CACNA1A: variants seen among roughly 807,000 people sequenced by gnomAD.
CACNA1A encodes calcium voltage-gated channel subunit alpha1 A.
A neutral mutation model predicts 262.4 loss-of-function variants in CACNA1A; 57 were observed. The observed-to-expected ratio is 0.22, with a 90% confidence interval of 0.18 to 0.27. CACNA1A has a LOEUF of 0.27. CACNA1A is among the 10% of genes least tolerant of loss of function. The probability of loss-of-function intolerance (pLI) is 1.00; values close to 1 mark genes in which losing one functional copy is unlikely to be tolerated. For missense variants in CACNA1A, 2,526 were observed against 3,562.8 expected (o/e 0.71, Z 7.41); for synonymous variants, 1,431 against 1,419.3 (o/e 1.01, Z -0.18).
chr19:13,358,249 T>C (rs1368128403), intron 6 of CACNA1A, among the ~76,000 whole-genome samples: 2 of 151,982 alleles, frequency 1.3e-5, no homozygotes, highest in African/African-American at 4.8e-5. Flanking sequence ...AGCCACACAA[T>C]AGAATGCTAT....
At chr19:13,383,445 G>A (rs2419549) in intron 3 of CACNA1A, among the ~76,000 whole-genome samples, 42,936 of 152,002 alleles carry the variant, frequency 0.28, 6,475 homozygotes, top group Non-Finnish European at 0.34. Flanking sequence ...CCAGTTTTCC[G>A]TCACTCCTTA....
intron 19 of CACNA1A, among the ~76,000 whole-genome samples, chr19:13,296,336 A>C (rs1381877936): frequency 6.6e-6 from 1 of 152,192 alleles, no homozygotes; most frequent in African/African-American, 2.4e-5. Context: ...AATCAATATT[A>C]TGCCCTGATG....
chr19:13,394,518 T>C (rs139259765), intron 3 of CACNA1A, among the ~76,000 whole-genome samples: 1 of 152,286 alleles, frequency 6.6e-6, no homozygotes, highest in East Asian at 1.9e-4. Context: ...TGTCAGGGGA[T>C]TCTGAAGACT....
intron 1 of CACNA1A, among the ~76,000 whole-genome samples, 193 bp downstream of exon 1, chr19:13,505,739 A>C (rs1175948015): frequency 7.2e-6 from 1 of 138,516 alleles, no homozygotes; most frequent in Non-Finnish European, 1.6e-5. Flanking sequence ...CCAAGCCTCC[A>C]GGGTAGCTCA....
chr19:13,501,778 A>T (rs1982407129), intron 1 of CACNA1A, among the ~76,000 whole-genome samples: 1 of 152,210 alleles, frequency 6.6e-6, no homozygotes, highest in South Asian at 2.1e-4. Flanking sequence ...TCAAATGCAC[A>T]CCAAGTAGAA....
At chr19:13,429,038 C>A (rs1424428499) in intron 3 of CACNA1A, among the ~76,000 whole-genome samples, 1 of 152,082 alleles carries the variant, frequency 6.6e-6, no homozygotes, top group East Asian at 1.9e-4. Flanking sequence ...ACCACCTTGA[C>A]CCTCGGGCAC....
At chr19:13,328,098 C>G (rs1016991568) in intron 10 of CACNA1A, among the ~76,000 whole-genome samples, 2 of 150,754 alleles carry the variant, frequency 1.3e-5, no homozygotes, top group African/African-American at 4.9e-5. Context: ...AGAGATGGAG[C>G]CTTGTTATGT....
At chr19:13,486,431 G>A (rs900628624) in intron 1 of CACNA1A, among the ~76,000 whole-genome samples, 38 of 150,620 alleles carry the variant, frequency 2.5e-4, no homozygotes, top group Non-Finnish European at 4.6e-4. Flanking sequence ...ACACACACAC[G>A]TCAGTTAAAG....
In CACNA1A at chr19:13,283,333, G is replaced by A. The variant is rs765391315; in HGVS notation, c.3756C>T (p.Val1252=). 1.2e-6 allele frequency: 2 copies of A among 1,613,910 alleles called. No homozygotes were observed. The highest frequency in any genetic ancestry group is 3.3e-5 in the Admixed American group (2 of 60,028). ...LRYFEMCILM[V]IAMSSIALAA... ...CCAGGGCGATGCTGCTCATGGCAAT[G>A]ACCATGAGGATGCACATCTCAAAGT... The change falls in exon 22 of 47, where the codon GTC becomes GTT. Residue 1252 remains valine, a synonymous_variant. Transcript: ENST00000360228.
At chr19:13,278,362 C>T (rs960773814) in intron 22 of CACNA1A, among the ~76,000 whole-genome samples, 2 of 152,206 alleles carry the variant, frequency 1.3e-5, no homozygotes, top group African/African-American at 4.8e-5. Flanking sequence ...GCTTCCACCT[C>T]AGGGCCTTTG....
In CACNA1A at chr19:13,214,276, C is replaced by T. The variant is rs199886234; in HGVS notation, c.5897G>A (p.Arg1966Gln). 466 of 1,612,096 alleles carry T rather than the reference C, an allele frequency of 2.9e-4. No homozygotes were observed. The highest frequency in any genetic ancestry group is 1.8e-4 in the Admixed American group (11 of 60,000). Residue 1966 changes from arginine (R) to glutamine (Q), a missense_variant, in exon 40 of 47, where the codon CGG becomes CAG. Arg to Gln is a conservative substitution (Grantham distance 43). Coordinates refer to ENST00000360228, the MANE Select transcript of CACNA1A (RefSeq NM_001127222.2). This position sits in a 1 kb window ranked among gnomAD's most constrained non-coding sequence, Gnocchi z 4.1. ...YAAMMIMEYY[R>Q]QSKAKKLQAM... is the part of the protein sequence containing the mutation. ...CTGCAGCTTCTTGGCCTTGCTCTGC[C>T]GGTAGTACTCCATGATCATCATGGC...
Position 13,231,894 on chromosome 19 carries a change from C to T in CACNA1A, c.5250-34G>A, listed in dbSNP as rs374442062. 27 of 1,598,084 alleles carry T rather than the reference C, an allele frequency of 1.7e-5. No homozygotes were observed. In the South Asian group the frequency reaches 1.9e-4, roughly 11 times the overall value. On this transcript the variant is annotated intron_variant, in intron 34 of 46. Coordinates refer to ENST00000360228, the MANE Select transcript of CACNA1A (RefSeq NM_001127222.2). ...AGGGAGAAATCAGAGACTCGGACACCCAGCCCTGACTGGGTACCAACGCCT... is the reference window on the plus strand; with the variant it reads ...AGGGAGAAATCAGAGACTCGGACACTCAGCCCTGACTGGGTACCAACGCCT...
chr19:13,275,824 AGAGGAACCCTTGC>A lies in CACNA1A; in HGVS notation c.3989+13_3989+25del. 1 of 1,494,474 alleles carries A rather than the reference AGAGGAACCCTTGC, an allele frequency of 6.7e-7. No homozygotes were observed. The highest frequency in any genetic ancestry group is 9.3e-7 in the Non-Finnish European group (1 of 1,071,814). 92.6% of individuals were successfully genotyped at this position (1,494,474 alleles called of 1,614,324 possible). A position where few individuals can be genotyped will look rare whatever the true frequency, so the allele number is the denominator to read the frequency against. ...GCTGGGGGTTGGGGGAAAAGAGGCA[AGAGGAACCCTTGC>A]GAGGAGACTTACGTGAAGGCAAAGG... On this transcript the variant is annotated intron_variant, in intron 24 of 46. Transcript: ENST00000360228.
intron 1 of CACNA1A, among the ~76,000 whole-genome samples, chr19:13,491,281 C>A (rs1031726375): frequency 1.3e-5 from 2 of 152,076 alleles, no homozygotes; most frequent in African/African-American, 4.8e-5. Context: ...AAACTGGGGG[C>A]AAAAATAAGT....
At chr19:13,374,422 A>AT (rs1399532682) in intron 3 of CACNA1A, among the ~76,000 whole-genome samples, 3 of 151,764 alleles carry the variant, frequency 2.0e-5, no homozygotes, top group Admixed American at 6.6e-5. Context: ...AAATTAAAAA[A>AT]TTTTTTTTGT....
chr19:13,497,933 G>A (rs1981884777), intron 1 of CACNA1A, among the ~76,000 whole-genome samples: 1 of 151,666 alleles, frequency 6.6e-6, no homozygotes, highest in Admixed American at 6.6e-5. Flanking sequence ...CAGCCAGGGT[G>A]GACTGTTCCC....
intron 3 of CACNA1A, among the ~76,000 whole-genome samples, chr19:13,381,060 G>A (rs2059515867): frequency 6.6e-6 from 1 of 152,110 alleles, no homozygotes; most frequent in African/African-American, 2.4e-5. Flanking sequence ...TGAGGCATGA[G>A]CCACTATGCC....
In CACNA1A at chr19:13,310,502, A is replaced by G. The variant is rs1233431908; in HGVS notation, c.1669-1974T>C. ...AAAAAAAAAAAAAATATATATATATATATATATATATGTAGAGAGAGAGAG... is the reference window on the plus strand; with the variant it reads ...AAAAAAAAAAAAAATATATATATATGTATATATATATGTAGAGAGAGAGAG... On this transcript the variant is annotated intron_variant, in intron 12 of 46. Transcript: ENST00000360228. Among the ~76,000 whole-genome samples the G allele has an allele frequency of 5.1e-4, 17 of 33,016 alleles. 2 individuals are homozygous for G. The East Asian group carries it at 0.059, about 115-fold the overall frequency. 21.7% of individuals were successfully genotyped at this position (33,016 alleles called of 152,430 possible).
intron 8 of CACNA1A, 24 bp downstream of exon 8, chr19:13,334,354 G>T: frequency 8.3e-7 from 1 of 1,207,704 alleles, no homozygotes; most frequent in Non-Finnish European, 1.2e-6. Flanking sequence ...TCCATCCCTG[G>T]GCCCCAGGAT....
Sources: gnomAD v4.1 joint callset for allele counts (sites outside exome capture counted in the v4.1 genomes callset) on GRCh38, gnomAD v4.1.1 for gene constraint, Gnocchi (gnomAD v3.1) non-coding constraint, MANE v1.5 for transcripts, NCBI Gene and HGNC (gene_info 2026-07-23, HGNC 2026-07-21) for gene names.